The following FGF13 variants were observed in gnomAD, a reference collection of about 807,000 sequenced individuals.
The protein encoded by FGF13 is fibroblast growth factor 13.
FGF13 carries 2 observed loss-of-function variants against 19.5 expected under a neutral mutation model. That is an observed-to-expected ratio of 0.10 (90% CI 0.04 to 0.32). FGF13 has a LOEUF of 0.32. FGF13 is among the 10% of genes least tolerant of loss of function. The pLI, the probability that FGF13 is intolerant of heterozygous loss-of-function variation, is 1.00. For missense variants in FGF13, 113 were observed against 192.7 expected (o/e 0.59, Z 2.45); for synonymous variants, 72 against 76.9 (o/e 0.94, Z 0.33).
intron 1 of FGF13, among the ~76,000 whole-genome samples, chrX:139,069,338 T>C (rs1156719580): frequency 3.0e-5 from 2 of 67,141 alleles, no homozygotes; most frequent in Non-Finnish European, 5.4e-5. Flanking sequence ...TTGGAAATCA[T>C]CATTCTCAGT....
chrX:139,122,370 A>T lies in FGF13; in HGVS notation c.-113+81046T>A, dbSNP rs753926948. Among the ~76,000 whole-genome samples the T allele has an allele frequency of 5.4e-5, 6 of 111,646 alleles. No individual in the cohort carries two copies. The South Asian group carries it at 2.3e-3, about 43-fold the overall frequency. On this transcript the variant is annotated intron_variant, in intron 1 of 2. Transcript: ENST00000421460. ...GAACACATAGAAGTAAAGCTGTTAG[A>T]CAGAAATCATAAGGAGGTGGATTCT...
intron 1 of FGF13, among the ~76,000 whole-genome samples, chrX:139,037,461 A>G: frequency 8.9e-6 from 1 of 111,806 alleles, no homozygotes; most frequent in African/African-American, 3.2e-5. Flanking sequence ...GTATCTGAAA[A>G]CAACACAAAT....
chrX:138,817,629 T>G (rs952604410), intron 3 of FGF13, among the ~76,000 whole-genome samples: 5 of 111,896 alleles, frequency 4.5e-5, no homozygotes, highest in African/African-American at 1.6e-4. Flanking sequence ...AAGACAGTTA[T>G]AACCTGTAAT....
At chrX:138,955,819 C>T (rs895450215) in intron 1 of FGF13, among the ~76,000 whole-genome samples, 1 of 112,239 alleles carries the variant, frequency 8.9e-6, no homozygotes, top group Non-Finnish European at 1.9e-5. Flanking sequence ...CACCTTGCCT[C>T]TAACCCTAAG....
chrX:139,116,669 A>G (rs1212887678), intron 1 of FGF13, among the ~76,000 whole-genome samples: 2 of 111,432 alleles, frequency 1.8e-5, no homozygotes, highest in East Asian at 5.6e-4. Flanking sequence ...GTTGGTGAAG[A>G]AAAGAAAAAG....
intron 1 of FGF13, among the ~76,000 whole-genome samples, chrX:138,986,906 T>C (rs1412811597): frequency 8.9e-6 from 1 of 112,308 alleles, no homozygotes; most frequent in African/African-American, 3.2e-5. Context: ...TTAATAATCA[T>C]CTATTACCTC....
chrX:138,909,720 G>T (rs935391496), intron 1 of FGF13, among the ~76,000 whole-genome samples: 7 of 112,001 alleles, frequency 6.2e-5, no homozygotes, highest in African/African-American at 2.3e-4. Flanking sequence ...GACAAATCCT[G>T]TAAGTTCTTT....
chrX:139,003,288 G>A (rs1376716433), intron 1 of FGF13, among the ~76,000 whole-genome samples: 2 of 110,581 alleles, frequency 1.8e-5, no homozygotes, highest in Non-Finnish European at 3.8e-5. Context: ...CGTTCCTCCC[G>A]GTGGGCTTGT....
At chrX:138,979,206 G>A (rs183938407) in intron 1 of FGF13, among the ~76,000 whole-genome samples, 59 of 111,753 alleles carry the variant, frequency 5.3e-4, no homozygotes, top group Non-Finnish European at 1.0e-3. Context: ...AATTACAATC[G>A]TTTGAATATA....
intron 3 of FGF13, among the ~76,000 whole-genome samples, chrX:138,678,096 G>A (rs1455292534): frequency 8.1e-5 from 9 of 111,191 alleles, no homozygotes; most frequent in East Asian, 5.7e-4. Context: ...ACCAAACACC[G>A]CATGTTCTCA....
chrX:138,803,943 C>T (rs1319029973), intron 3 of FGF13, among the ~76,000 whole-genome samples: 3 of 111,646 alleles, frequency 2.7e-5, no homozygotes, highest in Non-Finnish European at 5.6e-5. Flanking sequence ...AATGCAGTGG[C>T]AGCATAGCGT....
chrX:138,777,646 A>G (rs1206201182), intron 3 of FGF13, among the ~76,000 whole-genome samples: 1 of 111,897 alleles, frequency 8.9e-6, no homozygotes, highest in Non-Finnish European at 1.9e-5. Context: ...ACAAGCAAGG[A>G]CCAGTGGGAG....
intron 3 of FGF13, among the ~76,000 whole-genome samples, chrX:138,757,068 G>C (rs1427322717): frequency 9.0e-6 from 1 of 111,149 alleles, no homozygotes. Context: ...AAGGTACACA[G>C]AGGCAGGGGA....
chrX:138,829,444 G>A (rs892684829), intron 3 of FGF13, among the ~76,000 whole-genome samples: 2 of 111,030 alleles, frequency 1.8e-5, no homozygotes, highest in Non-Finnish European at 3.8e-5. Context: ...CTCTGCAGAC[G>A]CCTGTTCTGC....
At position 138,711,050 on chromosome X, in the gene FGF13, G is replaced by T; in HGVS notation, c.-47C>A. 1 of 1,198,523 alleles carries T rather than the reference G, an allele frequency of 8.3e-7. No homozygotes were observed. The highest frequency in any genetic ancestry group is 1.1e-6 in the Non-Finnish European group (1 of 890,486). On this transcript the variant is annotated 5_prime_UTR_variant, in exon 1 of 5. Transcript: ENST00000315930. ...CGCTTCTTTTGCTGCCCCTCTCTGG[G>T]TTCGCCTCCTCCTCCTTCTCCTCCG...
intron 3 of FGF13, among the ~76,000 whole-genome samples, chrX:138,763,706 G>A (rs777869399): frequency 2.7e-5 from 3 of 111,498 alleles, no homozygotes; most frequent in South Asian, 7.5e-4. Flanking sequence ...CCCCCTGCCC[G>A]CCTTTAAGTC....
chrX:138,844,500 G>A (rs941036339), intron 3 of FGF13, among the ~76,000 whole-genome samples: 2 of 111,610 alleles, frequency 1.8e-5, no homozygotes, highest in African/African-American at 3.3e-5. Context: ...CCAAGAGCGT[G>A]AGAGGCAGAG....
At chrX:138,746,782 T>C (rs980707472) in intron 3 of FGF13, among the ~76,000 whole-genome samples, 1 of 112,513 alleles carries the variant, frequency 8.9e-6, no homozygotes, top group South Asian at 3.7e-4. Context: ...GAATAATGTA[T>C]GCAAAGCACT....
intron 1 of FGF13, among the ~76,000 whole-genome samples, chrX:138,982,629 C>A (rs2091968456): frequency 8.9e-6 from 1 of 112,043 alleles, no homozygotes; most frequent in East Asian, 2.8e-4. Flanking sequence ...ATGATAGAAT[C>A]CATGCCCTCA....
Sources: allele counts gnomAD v4.1 joint callset (sites outside exome capture counted in the v4.1 genomes callset), GRCh38; gene constraint gnomAD v4.1.1; transcripts MANE v1.5; gene names NCBI Gene and HGNC (gene_info 2026-07-23, HGNC 2026-07-21).